The following MFHAS1 variants were observed in gnomAD, a reference collection of about 807,000 sequenced individuals.
MFHAS1 encodes the protein malignant fibrous histiocytoma-amplified sequence 1.
A neutral mutation model predicts 70.4 loss-of-function variants in MFHAS1; 50 were observed. The ratio of observed to expected loss-of-function variants is 0.71; its 90% CI spans 0.57 to 0.90. The LOEUF is 0.90. Among genes scored for constraint, MFHAS1 ranks in the 40% least tolerant of loss-of-function variants. The probability of loss-of-function intolerance (pLI) is 0.00; values close to 1 mark genes in which losing one functional copy is unlikely to be tolerated. For synonymous variants in MFHAS1, 952 were observed against 620.0 expected (o/e 1.54, Z -7.96); for missense variants, 1,795 against 1,347.6 (o/e 1.33, Z -5.20).
At chr8:8,826,974 G>C (rs1360354798) in intron 1 of MFHAS1, among the ~76,000 whole-genome samples, 1 of 152,202 alleles carries the variant, frequency 6.6e-6, no homozygotes, top group East Asian at 1.9e-4. Flanking sequence ...GACATATGAA[G>C]ATGTCTTGTT....
intron 1 of MFHAS1, among the ~76,000 whole-genome samples, chr8:8,825,542 G>A (rs975533034): frequency 6.6e-6 from 1 of 152,136 alleles, no homozygotes; most frequent in Non-Finnish European, 1.5e-5. Flanking sequence ...GGCAGGGTTG[G>A]TTTCTTCTGA....
intron 1 of MFHAS1, among the ~76,000 whole-genome samples, chr8:8,819,646 C>T (rs951983027): frequency 1.2e-4 from 18 of 151,238 alleles, no homozygotes; most frequent in Non-Finnish European, 1.8e-4. Context: ...AGAATCTGGC[C>T]AAAGTGGCTG....
chr8:8,878,683 G>A (rs12548738), intron 1 of MFHAS1, among the ~76,000 whole-genome samples: 6,184 of 150,314 alleles, frequency 0.041, 251 homozygotes, highest in South Asian at 0.097. Context: ...AAAAAAAAAA[G>A]GAAAAAAGGA....
In MFHAS1 at chr8:8,891,595, C is replaced by G. The variant is rs1810041311; in HGVS notation, c.1464G>C (p.Gln488His). ...LAGDESYEVI[Q>H]PFFLSPGALY... ...GGGCCCCTGGGGACAGGAAGAAGGG[C>G]TGGATCACCTCATAACTTTCATCCC... Residue 488 changes from glutamine to histidine, a missense_variant, in exon 1 of 3, where the codon CAG becomes CAC. Transcript: ENST00000276282. The surrounding 1 kb of genome is among the most constrained non-coding windows in gnomAD (Gnocchi z 5.4). 1 of 1,613,438 alleles carries G rather than the reference C, an allele frequency of 6.2e-7. No homozygotes were observed. The highest frequency in any genetic ancestry group is 1.3e-5 in the African/African-American group (1 of 75,054).
rs1805507429 is a variant in MFHAS1 at position 8,785,469 on chromosome 8, T to G, written c.*553A>C. The G allele has an allele frequency of 6.6e-6, 1 of 152,644 alleles. No individual in the cohort carries two copies. The highest frequency in any genetic ancestry group is 2.1e-4 in the South Asian group (1 of 4,822). The allele number at this position is 152,644 out of a possible 1,614,324, so 9.5% of individuals were successfully genotyped here. Reference sequence around the variant, plus strand: ...ACTAAAATAAGAAATCAGCCCCATCTTGGCACAGTTCTCATGCAGAATATT... The same window carrying G: ...ACTAAAATAAGAAATCAGCCCCATCGTGGCACAGTTCTCATGCAGAATATT... On this transcript the variant is annotated 3_prime_UTR_variant, in exon 3 of 3. Coordinates refer to ENST00000276282, the MANE Select transcript of MFHAS1 (RefSeq NM_004225.3).
intron 1 of MFHAS1, among the ~76,000 whole-genome samples, chr8:8,876,706 T>C (rs1809309902): frequency 6.6e-6 from 1 of 151,916 alleles, no homozygotes. Flanking sequence ...GAAAAAGTAC[T>C]TTTAAAAGAG....
In MFHAS1 at chr8:8,892,450, C is replaced by T. The variant is rs1341441521; in HGVS notation, c.609G>A (p.Leu203=). Reference sequence around the variant, plus strand: ...ACACGTCCAGCTCCTCCAGGGCCACCAGCTGCAGCAGCTGCCGGGGGAAGG... The same window carrying T: ...ACACGTCCAGCTCCTCCAGGGCCACTAGCTGCAGCAGCTGCCGGGGGAAGG... ...LTAFPRQLLQ[L]VALEELDVSS... is the part of the protein sequence containing the mutation. The change falls in exon 1 of 3, where the codon CTG becomes CTA. Residue 203 remains leucine (L), a synonymous_variant. Coordinates refer to ENST00000276282, the MANE Select transcript of MFHAS1 (RefSeq NM_004225.3). This position sits in a 1 kb window ranked among gnomAD's most constrained non-coding sequence, Gnocchi z 4.7. 6.2e-7 allele frequency: 1 copy of T among 1,609,916 alleles called. No homozygotes were observed. The highest frequency in any genetic ancestry group is 1.7e-5 in the Admixed American group (1 of 59,444).
At position 8,783,642 on chromosome 8, in the gene MFHAS1, T is replaced by G. The variant is rs1019178017; in HGVS notation, c.*2380A>C. 3.3e-5 allele frequency: 5 copies of G among 152,192 alleles called. No individual in the cohort carries two copies. Among genetic ancestry groups the G allele is most frequent in the African/African-American group, 1.2e-4 (5 of 41,452 alleles). 9.4% of individuals were successfully genotyped at this position (152,192 alleles called of 1,614,324 possible). A position where few individuals can be genotyped will look rare whatever the true frequency, so the allele number is the denominator to read the frequency against. ...AGGAAGTGGTTTTGATACCACAAGT[T>G]GCAGGAATAGAAACCCTAACAAACT... On this transcript the variant is annotated 3_prime_UTR_variant, in exon 3 of 3. Transcript: ENST00000276282.
At chr8:8,803,915 TA>T (rs1185851500) in intron 1 of MFHAS1, among the ~76,000 whole-genome samples, 1 of 152,070 alleles carries the variant, frequency 6.6e-6, no homozygotes, top group Non-Finnish European at 1.5e-5. Context: ...GAGGTTTCAG[TA>T]AGCCGAGACT....
At chr8:8,787,085 A>ATT (rs371642880) in intron 2 of MFHAS1, among the ~76,000 whole-genome samples, 8,323 of 128,006 alleles carry the variant, frequency 0.065, 376 homozygotes, top group African/African-American at 0.14. Context: ...TATTATTATT[A>ATT]TTTTTTTTTT....
Position 8,784,907 on chromosome 8 carries a change from A to G in MFHAS1, c.*1115T>C, listed in dbSNP as rs995056528. Reference sequence around the variant, plus strand: ...GGGTATTACTAGTTCTTGGCAGGAGACCGTCCAATCAGAGGCTCTGTATTT... The same window carrying G: ...GGGTATTACTAGTTCTTGGCAGGAGGCCGTCCAATCAGAGGCTCTGTATTT... On this transcript the variant is annotated 3_prime_UTR_variant, in exon 3 of 3. Coordinates refer to ENST00000276282, the MANE Select transcript of MFHAS1 (RefSeq NM_004225.3). 2 of 152,126 alleles carry G rather than the reference A, an allele frequency of 1.3e-5. No individual in the cohort carries two copies. The highest frequency in any genetic ancestry group is 2.4e-5 in the African/African-American group (1 of 41,420). The allele number at this position is 152,126 out of a possible 1,614,324, so 9.4% of individuals were successfully genotyped here.
chr8:8,835,597 T>C (rs539052548), intron 1 of MFHAS1, among the ~76,000 whole-genome samples: 1 of 152,360 alleles, frequency 6.6e-6, no homozygotes, highest in South Asian at 2.1e-4. Context: ...GAACAATTTT[T>C]TCAACAACTT....
chr8:8,825,217 G>C (rs577604602), intron 1 of MFHAS1, among the ~76,000 whole-genome samples: 1 of 152,330 alleles, frequency 6.6e-6, no homozygotes, highest in Non-Finnish European at 1.5e-5. Flanking sequence ...CTATTGCCCA[G>C]GCTGGAGTAC....
At chr8:8,851,368 T>A (rs1808241963) in intron 1 of MFHAS1, among the ~76,000 whole-genome samples, 1 of 152,176 alleles carries the variant, frequency 6.6e-6, no homozygotes, top group African/African-American at 2.4e-5. Flanking sequence ...ACACTAGGCT[T>A]TGCACAAACA....
chr8:8,873,532 T>C (rs1207532123), intron 1 of MFHAS1, among the ~76,000 whole-genome samples: 1 of 151,044 alleles, frequency 6.6e-6, no homozygotes, highest in Non-Finnish European at 1.5e-5. Flanking sequence ...TTACACCCAC[T>C]CTTTCTTCAT....
Position 8,890,440 on chromosome 8 carries a change from C to T in MFHAS1, c.2619G>A (p.Gln873=), listed in dbSNP as rs1381108285. ...AWINGTNLAG[Q]SFVAEQLQIE... ...TCTGCAACTGCTCAGCCACAAAAGA[C>T]TGCCCAGCTAGGTTGGTCCCATTAA... is the stretch of plus-strand genomic sequence containing the variant. The change falls in exon 1 of 3, where the codon CAG becomes CAA. Residue 873 remains glutamine (Q), a synonymous_variant. Transcript: ENST00000276282. The T allele has an allele frequency of 1.9e-6, 3 of 1,613,990 alleles. No individual in the cohort carries two copies. Among genetic ancestry groups the T allele is most frequent in the East Asian group, 2.2e-5 (1 of 44,886 alleles).
At chr8:8,802,641 G>C (rs890761392) in intron 1 of MFHAS1, among the ~76,000 whole-genome samples, 8 of 152,210 alleles carry the variant, frequency 5.3e-5, no homozygotes, top group East Asian at 1.9e-4. Context: ...GTATGGAGCA[G>C]CTCCTTGCAT....
intron 2 of MFHAS1, among the ~76,000 whole-genome samples, chr8:8,793,209 C>A (rs77376626): frequency 0.023 from 3,429 of 152,126 alleles, 116 homozygotes; most frequent in African/African-American, 0.079. Flanking sequence ...ACTTCTTATT[C>A]TCTGTCTCTC....
intron 1 of MFHAS1, among the ~76,000 whole-genome samples, chr8:8,879,616 T>C (rs974243562): frequency 1.3e-5 from 2 of 152,162 alleles, no homozygotes; most frequent in Non-Finnish European, 2.9e-5. Flanking sequence ...GGATCACATT[T>C]TTTTTCTGGA....
Sources: gnomAD v4.1 joint callset for allele counts (sites outside exome capture counted in the v4.1 genomes callset) on GRCh38, gnomAD v4.1.1 for gene constraint, Gnocchi (gnomAD v3.1) non-coding constraint, MANE v1.5 for transcripts, NCBI Gene and HGNC (gene_info 2026-07-23, HGNC 2026-07-21) for gene names.